Variants in SPMAP2L observed in about 807,000 individuals in gnomAD.
The protein encoded by SPMAP2L is sperm microtubule associated protein 2-like.
chr4:56,586,839 G>A, the SPMAP2L span, among the ~76,000 whole-genome samples: 3 of 152,072 alleles, frequency 2.0e-5, no homozygotes, highest in African/African-American at 7.3e-5. Context: ...AGTCTGGCCA[G>A]ATTCAAGGGG....
At chr4:56,547,697 C>CA in the SPMAP2L span, among the ~76,000 whole-genome samples, 1 of 152,186 alleles carries the variant, frequency 6.6e-6, no homozygotes, top group Non-Finnish European at 1.5e-5. Context: ...GTAGCGCACC[C>CA]ACTTTTCTTT....
the SPMAP2L span, among the ~76,000 whole-genome samples, chr4:56,622,564 A>G: frequency 6.6e-6 from 1 of 152,206 alleles, no homozygotes; most frequent in African/African-American, 2.4e-5. Context: ...AAAGTGCTTT[A>G]TTGTTAGTAT....
the SPMAP2L span, chr4:56,594,034 T>C: frequency 6.2e-7 from 1 of 1,611,452 alleles, no homozygotes; most frequent in Non-Finnish European, 8.5e-7. Context: ...GGCAGATCAA[T>C]TTTCGGCTTT....
At chr4:56,579,383 T>C in the SPMAP2L span, among the ~76,000 whole-genome samples, 283 of 152,176 alleles carry the variant, frequency 1.9e-3, 1 homozygote, top group African/African-American at 6.5e-3. Flanking sequence ...ATCACTTTGA[T>C]ATGAATAAAA....
the SPMAP2L span, among the ~76,000 whole-genome samples, chr4:56,624,138 C>A: frequency 6.6e-6 from 1 of 152,136 alleles, no homozygotes; most frequent in Admixed American, 6.5e-5. Flanking sequence ...GGAGCAAAGG[C>A]GACTCTTGTT....
chr4:56,548,524 A>T, the SPMAP2L span, among the ~76,000 whole-genome samples: 2 of 152,102 alleles, frequency 1.3e-5, no homozygotes, highest in African/African-American at 4.8e-5. Flanking sequence ...ATTGTCCTTT[A>T]TATCTTTTGC....
At chr4:56,584,421 A>G in the SPMAP2L span, 1 of 881,084 alleles carries the variant, frequency 1.1e-6, no homozygotes, top group Non-Finnish European at 1.8e-6. Context: ...TTAGAAGTTG[A>G]TTGTAGTAAT....
the SPMAP2L span, among the ~76,000 whole-genome samples, chr4:56,621,734 A>G: frequency 2.2e-4 from 34 of 152,242 alleles, no homozygotes; most frequent in African/African-American, 5.5e-4. Context: ...TAGATATACA[A>G]TGTAAATGTG....
the SPMAP2L span, among the ~76,000 whole-genome samples, chr4:56,540,930 T>C: frequency 6.6e-6 from 1 of 152,310 alleles, no homozygotes; most frequent in Non-Finnish European, 1.5e-5. Flanking sequence ...TGCCCAGGAG[T>C]CATGGCTCCA....
At chr4:56,593,763 A>G in the SPMAP2L span, 1 of 1,576,130 alleles carries the variant, frequency 6.3e-7, no homozygotes, top group Admixed American at 1.7e-5. Flanking sequence ...CAAACCAGGG[A>G]GCAACACACT....
the SPMAP2L span, among the ~76,000 whole-genome samples, chr4:56,607,995 G>GAAAAAAAAAAAAAAAAAA: frequency 2.8e-5 from 2 of 72,306 alleles, no homozygotes; most frequent in African/African-American, 4.1e-5. Context: ...CCTGTCTCAA[G>GAAAAAAAAAAAAAAAAAA]AAAAAAAAAA....
the SPMAP2L span, among the ~76,000 whole-genome samples, chr4:56,542,367 G>T: frequency 7.7e-3 from 1,174 of 151,956 alleles, 9 homozygotes; most frequent in Middle Eastern, 0.017. Context: ...CGTTGAGAGA[G>T]AAATACTTTT....
the SPMAP2L span, among the ~76,000 whole-genome samples, chr4:56,606,433 CTG>C: frequency 6.6e-6 from 1 of 152,242 alleles, no homozygotes; most frequent in South Asian, 2.1e-4. Context: ...TCTTCTGGGA[CTG>C]TGGATCTTAA....
chr4:56,536,858 G>A, the SPMAP2L span, among the ~76,000 whole-genome samples: 1 of 152,046 alleles, frequency 6.6e-6, no homozygotes, highest in Admixed American at 6.5e-5. Flanking sequence ...CCGCCTCCTG[G>A]GTTCAAGCGA....
the SPMAP2L span, among the ~76,000 whole-genome samples, chr4:56,583,943 T>C: frequency 6.6e-6 from 1 of 152,160 alleles, no homozygotes; most frequent in South Asian, 2.1e-4. Flanking sequence ...CACATTTACA[T>C]ATACTGTATC....
chr4:56,604,351 A>C, the SPMAP2L span, among the ~76,000 whole-genome samples: 1 of 152,320 alleles, frequency 6.6e-6, no homozygotes, highest in African/African-American at 2.4e-5. Context: ...ATTTGAAACA[A>C]AAATTTTTAT....
the SPMAP2L span, among the ~76,000 whole-genome samples, chr4:56,556,533 T>C: frequency 6.6e-6 from 1 of 152,176 alleles, no homozygotes; most frequent in Admixed American, 6.5e-5. Flanking sequence ...TACTTGAGAA[T>C]AACTGGACAG....
At chr4:56,593,890 A>T in the SPMAP2L span, 2 of 1,609,948 alleles carry the variant, frequency 1.2e-6, no homozygotes, top group Non-Finnish European at 1.7e-6. Context: ...CTAGGAGAGT[A>T]CATAATGCCA....
chr4:56,561,651 A>G, the SPMAP2L span, among the ~76,000 whole-genome samples: 1 of 152,046 alleles, frequency 6.6e-6, no homozygotes, highest in Non-Finnish European at 1.5e-5. Context: ...GCCATTCATG[A>G]AGGATCCGTC....
Sources: allele counts gnomAD v4.1 joint callset (sites outside exome capture counted in the v4.1 genomes callset), GRCh38; gene constraint gnomAD v4.1.1; transcripts MANE v1.5; gene names NCBI Gene and HGNC (gene_info 2026-07-23, HGNC 2026-07-21).